Variants in AKAP12 observed in about 807,000 individuals in gnomAD.
AKAP12 encodes A-kinase anchoring protein 12.
Under a neutral mutation model 79.9 loss-of-function variants are expected in AKAP12, and 32 were observed. That is an observed-to-expected ratio of 0.40 (90% confidence interval 0.30 to 0.54). AKAP12 has a LOEUF of 0.54. Ranked by LOEUF, AKAP12 falls within the 20% of genes least tolerant of loss-of-function variation. The probability of loss-of-function intolerance (pLI) is 0.48; values close to 1 mark genes in which losing one functional copy is unlikely to be tolerated. For synonymous variants in AKAP12, 808 were observed against 857.0 expected (o/e 0.94, Z 1.00); for missense variants, 2,074 against 2,177.0 (o/e 0.95, Z 0.94).
intron 3 of AKAP12, chr6:151,319,803 G>A (rs1010017399): frequency 1.9e-5 from 3 of 154,436 alleles, no homozygotes; most frequent in African/African-American, 7.2e-5. Context: ...GATAGAGGAG[G>A]ACTGGTCTTC....
At chr6:151,346,391 G>A (rs1298692249) in intron 3 of AKAP12, among the ~76,000 whole-genome samples, 6 of 152,224 alleles carry the variant, frequency 3.9e-5, no homozygotes, top group African/African-American at 1.2e-4. Context: ...CTATTTGGAA[G>A]TTACTTGCAG....
intron 2 of AKAP12, among the ~76,000 whole-genome samples, chr6:151,244,818 A>G (rs1286879105): frequency 6.6e-6 from 1 of 152,228 alleles, no homozygotes; most frequent in African/African-American, 2.4e-5. Context: ...GAGACCAAAA[A>G]TTGGAGATAT....
At chr6:151,342,365 C>T (rs966664129) in intron 3 of AKAP12, among the ~76,000 whole-genome samples, 2 of 152,148 alleles carry the variant, frequency 1.3e-5, no homozygotes, top group African/African-American at 4.8e-5. Context: ...CTCAACAGCG[C>T]GGGTACAGAT....
At chr6:151,292,783 T>C (rs1224318961) in intron 2 of AKAP12, among the ~76,000 whole-genome samples, 11 of 152,242 alleles carry the variant, frequency 7.2e-5, no homozygotes, top group Non-Finnish European at 2.9e-5. Flanking sequence ...TGCCTAGGGC[T>C]GCCTAACACA....
chr6:151,305,724 C>T (rs1186077680), intron 2 of AKAP12, 23 bp from the exon 3 acceptor site: 1 of 1,593,698 alleles, frequency 6.3e-7, no homozygotes, highest in East Asian at 2.2e-5. Context: ...AATTAAGTTT[C>T]TATGGCTTTG....
intron 2 of AKAP12, among the ~76,000 whole-genome samples, chr6:151,276,744 C>G (rs921174803): frequency 6.6e-6 from 1 of 152,190 alleles, no homozygotes; most frequent in African/African-American, 2.4e-5. Flanking sequence ...TTTGCCTGTT[C>G]CCCCTAGCAA....
intron 2 of AKAP12, among the ~76,000 whole-genome samples, chr6:151,295,247 A>G (rs1378616277): frequency 1.3e-5 from 2 of 152,214 alleles, no homozygotes; most frequent in Non-Finnish European, 2.9e-5. Context: ...CTAATAAGAC[A>G]TCCAACAATT....
chr6:151,350,898 C>T lies in AKAP12; in HGVS notation c.2507C>T (p.Ala836Val). ...APVEDAGPTGANEDDSDVPAV... is the reference protein window; with the variant it reads ...APVEDAGPTGVNEDDSDVPAV... The stretch of plus-strand genomic sequence containing the variant: ...GTTGAAGACGCAGGGCCAACAGGGG[C>T]CAACGAAGATGACTCTGATGTCCCG... The change falls in exon 4 of 5, where the codon GCC (alanine) becomes GTC (valine). Residue 836 changes from alanine (A) to valine (V), a missense_variant. Transcript: ENST00000402676. This position sits in a 1 kb window ranked among gnomAD's most constrained non-coding sequence, Gnocchi z 4.8. 1.9e-6 allele frequency: 3 copies of T among 1,614,064 alleles called. No homozygotes were observed. The highest frequency in any genetic ancestry group is 2.5e-6 in the Non-Finnish European group (3 of 1,180,030).
chr6:151,301,829 A>G (rs1776868291), intron 2 of AKAP12, among the ~76,000 whole-genome samples: 1 of 152,142 alleles, frequency 6.6e-6, no homozygotes, highest in African/African-American at 2.4e-5. Context: ...ACCGAAGTTA[A>G]TAATGTATCT....
At chr6:151,314,174 T>C (rs187238470) in intron 3 of AKAP12, among the ~76,000 whole-genome samples, 2 of 152,020 alleles carry the variant, frequency 1.3e-5, no homozygotes, top group African/African-American at 4.8e-5. Flanking sequence ...ATTACAGGCG[T>C]GCACCACCAC....
chr6:151,275,730 T>C (rs1776280931), intron 2 of AKAP12, among the ~76,000 whole-genome samples: 1 of 152,232 alleles, frequency 6.6e-6, no homozygotes, highest in Non-Finnish European at 1.5e-5. Context: ...TCCTACCATC[T>C]GTTGTCAGCA....
At chr6:151,294,042 C>T (rs536058050) in intron 2 of AKAP12, among the ~76,000 whole-genome samples, 3 of 151,792 alleles carry the variant, frequency 2.0e-5, no homozygotes, top group South Asian at 4.2e-4. Flanking sequence ...GGCGCAATCT[C>T]GACTCACCGC....
chr6:151,353,474 C>G lies in AKAP12; in HGVS notation c.5083C>G (p.Pro1695Ala). The change falls in exon 4 of 5, where the codon CCG becomes GCG. Residue 1695 changes from proline to alanine, a missense_variant. This residue lies in a region of AKAP12 where 614 missense variants were observed against 665.6 expected (regional missense o/e 0.92). Transcript: ENST00000402676. The part of the protein sequence containing the change: ...AERIEKSLVE[P>A]KEDEKGDDVD... Reference sequence around the variant, plus strand: ...AAGAATAGAGAAGTCACTAGTTGAACCGAAAGAAGATGAAAAAGGTGATGA... The same window carrying G: ...AAGAATAGAGAAGTCACTAGTTGAAGCGAAAGAAGATGAAAAAGGTGATGA... The G allele has an allele frequency of 1.2e-6, 2 of 1,614,104 alleles. No individual in the cohort carries two copies. Among genetic ancestry groups the G allele is most frequent in the Admixed American group, 1.7e-5 (1 of 60,004 alleles).
intron 3 of AKAP12, among the ~76,000 whole-genome samples, chr6:151,338,343 T>C (rs222575): frequency 0.23 from 35,600 of 152,130 alleles, 4,388 homozygotes; most frequent in East Asian, 0.4. Flanking sequence ...AAGACTTCTA[T>C]AGCTTTTGTC....
chr6:151,272,133 A>G (rs1776195550), intron 2 of AKAP12, among the ~76,000 whole-genome samples: 1 of 152,076 alleles, frequency 6.6e-6, no homozygotes, highest in Admixed American at 6.6e-5. Context: ...TGAGGTGAGG[A>G]GTCCAAGACT....
chr6:151,277,235 A>C (rs1165286767), intron 2 of AKAP12, among the ~76,000 whole-genome samples: 11 of 152,224 alleles, frequency 7.2e-5, no homozygotes, highest in African/African-American at 1.2e-4. Context: ...ATGAGGTTGC[A>C]AGATACTTTT....
chr6:151,281,825 A>G (rs1051142158), intron 2 of AKAP12, among the ~76,000 whole-genome samples: 8 of 151,656 alleles, frequency 5.3e-5, no homozygotes, highest in African/African-American at 1.9e-4. Flanking sequence ...AGCTAGGAAT[A>G]CAGGCCTACA....
chr6:151,272,218 G>T (rs192869658), intron 2 of AKAP12, among the ~76,000 whole-genome samples: 31 of 151,808 alleles, frequency 2.0e-4, no homozygotes, highest in African/African-American at 7.5e-4. Flanking sequence ...GGTGGTGCAG[G>T]CCTGTAGTCC....
intron 2 of AKAP12, among the ~76,000 whole-genome samples, chr6:151,251,921 C>T (rs985058715): frequency 1.3e-5 from 2 of 152,094 alleles, no homozygotes; most frequent in Non-Finnish European, 2.9e-5. Flanking sequence ...CCCTTGAACC[C>T]GGGAGGCGGA....
Sources: allele counts gnomAD v4.1 joint callset (sites outside exome capture counted in the v4.1 genomes callset), GRCh38; gene constraint gnomAD v4.1.1; regional missense constraint gnomAD v4.1.1; non-coding constraint Gnocchi (gnomAD v3.1); transcripts MANE v1.5; gene names NCBI Gene and HGNC (gene_info 2026-07-23, HGNC 2026-07-21).